CBFA2T2: variants seen among roughly 807,000 people sequenced by gnomAD.
CBFA2T2 encodes the protein protein CBFA2T2.
Under a neutral mutation model 62.2 loss-of-function variants are expected in CBFA2T2, and 11 were observed. The observed-to-expected ratio is 0.18, with a 90% confidence interval of 0.11 to 0.29. The LOEUF (loss-of-function observed/expected upper bound fraction) is 0.29. Among genes scored for constraint, CBFA2T2 ranks in the 10% least tolerant of loss-of-function variants. The probability of loss-of-function intolerance (pLI) is 1.00; values close to 1 mark genes in which losing one functional copy is unlikely to be tolerated. For missense variants in CBFA2T2, 592 were observed against 774.1 expected (o/e 0.76, Z 2.79); for synonymous variants, 295 against 287.5 (o/e 1.03, Z -0.27).
chr20:33,586,786 C>G (rs2014389117), intron 1 of CBFA2T2, among the ~76,000 whole-genome samples: 1 of 152,086 alleles, frequency 6.6e-6, no homozygotes, highest in Admixed American at 6.5e-5. Context: ...CTTAATTTCT[C>G]TTTTCCTTGA....
At chr20:33,573,436 G>T (rs2013661410) in intron 1 of CBFA2T2, among the ~76,000 whole-genome samples, 1 of 151,986 alleles carries the variant, frequency 6.6e-6, no homozygotes, top group Non-Finnish European at 1.5e-5. Context: ...AGTACTGTAT[G>T]TGACACATTG....
At chr20:33,580,686 A>G (rs541599410) in intron 1 of CBFA2T2, among the ~76,000 whole-genome samples, 50 of 152,190 alleles carry the variant, frequency 3.3e-4, no homozygotes, top group Middle Eastern at 3.4e-3. Flanking sequence ...CCCTGTCTCT[A>G]CAAAATACAC....
At chr20:33,551,596 T>C (rs575498408) in intron 1 of CBFA2T2, among the ~76,000 whole-genome samples, 1 of 152,136 alleles carries the variant, frequency 6.6e-6, no homozygotes, top group African/African-American at 2.4e-5. Context: ...AGTGGTGTGA[T>C]CTCAGCTCAT....
At chr20:33,591,119 C>T (rs1008323267) in intron 1 of CBFA2T2, among the ~76,000 whole-genome samples, 7 of 140,010 alleles carry the variant, frequency 5.0e-5, no homozygotes, top group African/African-American at 1.1e-4. Flanking sequence ...GCAGAAGTTG[C>T]AGTGAGCCGA....
At chr20:33,627,285 T>C (rs1304578753) in intron 6 of CBFA2T2, among the ~76,000 whole-genome samples, 2 of 151,988 alleles carry the variant, frequency 1.3e-5, no homozygotes, top group African/African-American at 2.4e-5. Flanking sequence ...TAGTCCCAGC[T>C]ACTTGGGAGG....
At position 33,636,713 on chromosome 20, in the gene CBFA2T2, G is replaced by A; in HGVS notation, c.1297+5G>A. 1.2e-6 allele frequency: 2 copies of A among 1,607,170 alleles called. No individual in the cohort carries two copies. The highest frequency in any genetic ancestry group is 8.5e-7 in the Non-Finnish European group (1 of 1,173,938). Reference sequence around the variant, plus strand: ...TGGAGTTTTGGAAAAAAACAGGTATGTGTCTGACTGCTTGTAGGTCATACA... The same window carrying A: ...TGGAGTTTTGGAAAAAAACAGGTATATGTCTGACTGCTTGTAGGTCATACA... On this transcript the variant is annotated splice_donor_5th_base_variant and intron_variant, in intron 9 of 10. Transcript: ENST00000342704.
intron 1 of CBFA2T2, among the ~76,000 whole-genome samples, chr20:33,563,186 A>G (rs2013153900): frequency 6.6e-6 from 1 of 152,194 alleles, no homozygotes; most frequent in Non-Finnish European, 1.5e-5. Flanking sequence ...TTTTTCATTT[A>G]CATTTTGCTC....
chr20:33,565,111 G>A (rs1304410023), intron 1 of CBFA2T2, among the ~76,000 whole-genome samples: 2 of 152,054 alleles, frequency 1.3e-5, no homozygotes, highest in South Asian at 2.1e-4. Flanking sequence ...AGTAGAGACG[G>A]TGTTTCACCG....
chr20:33,623,173 C>A lies in CBFA2T2; in HGVS notation c.569C>A (p.Thr190Asn), dbSNP rs772429963. 6.2e-7 allele frequency: 1 copy of A among 1,614,282 alleles called. No individual in the cohort carries two copies. The highest frequency in any genetic ancestry group is 8.5e-7 in the Non-Finnish European group (1 of 1,180,048). Residue 190 changes from threonine to asparagine, a missense_variant, in exon 5 of 11, where the codon ACC becomes AAC. By Grantham distance (65) the Thr-to-Asn change is moderately conservative (BLOSUM62 0). Around this residue, in one of 3 missense-constraint regions of CBFA2T2, gnomAD observed 449 missense variants for 551.2 expected, o/e 0.81. Coordinates refer to ENST00000342704, the MANE Select transcript of CBFA2T2 (RefSeq NM_001032999.3). ...CACTGCGCTCGGGCGGCCAAGCAGA[C>A]CCCATCCCAGTACCTGGCTCAGCAC... The part of the protein sequence containing the change: ...LLHCARAAKQ[T>N]PSQYLAQHEH...
At chr20:33,633,377 A>AAAAT (rs66921034) in intron 8 of CBFA2T2, among the ~76,000 whole-genome samples, 39 of 147,508 alleles carry the variant, frequency 2.6e-4, no homozygotes, top group East Asian at 2.1e-3. Context: ...TCGCAAAAAA[A>AAAAT]AAATAAATAA....
chr20:33,584,840 A>G (rs1467012651), intron 1 of CBFA2T2, among the ~76,000 whole-genome samples: 1 of 152,200 alleles, frequency 6.6e-6, no homozygotes, highest in Non-Finnish European at 1.5e-5. Context: ...TTAAGCATTT[A>G]CTATATACCA....
intron 1 of CBFA2T2, among the ~76,000 whole-genome samples, chr20:33,570,343 C>T (rs770165712): frequency 4.8e-4 from 73 of 152,138 alleles, no homozygotes; most frequent in Non-Finnish European, 1.0e-3. Context: ...CAACATTTTA[C>T]GTGACAGCTC....
At chr20:33,493,164 C>G (rs1439747391) in intron 1 of CBFA2T2, among the ~76,000 whole-genome samples, 1 of 151,186 alleles carries the variant, frequency 6.6e-6, no homozygotes, top group Non-Finnish European at 1.5e-5. Flanking sequence ...CAACCTCCGC[C>G]TCCTGGGTTC....
chr20:33,594,153 A>C (rs2014786437), intron 1 of CBFA2T2, among the ~76,000 whole-genome samples: 1 of 152,248 alleles, frequency 6.6e-6, no homozygotes, highest in Admixed American at 6.5e-5. Context: ...TTCTAGCAAT[A>C]GAGATGGGAG....
rs750305478 is a variant in CBFA2T2, at chr20:33,537,268, C to T, written c.34+46967C>T. ...GCGAGGCCGAGGCTGGCGGATCACT[C>T]GCGGTTAGGAGCTGGAGACCAGCCC... On this transcript the variant is annotated intron_variant, in intron 1 of 10. Coordinates refer to ENST00000342704, the MANE Select transcript of CBFA2T2 (RefSeq NM_001032999.3). Among the ~76,000 whole-genome samples the T allele has an allele frequency of 5.6e-4, 86 of 152,386 alleles. 1 individual carries two copies. The highest frequency in any genetic ancestry group is 1.4e-3 in the Admixed American group (21 of 15,314).
chr20:33,542,662 C>T (rs952354441), intron 1 of CBFA2T2, among the ~76,000 whole-genome samples: 11 of 152,096 alleles, frequency 7.2e-5, no homozygotes, highest in African/African-American at 2.7e-4. Context: ...AGAAGTCTTT[C>T]TTACTAAGTC....
At chr20:33,631,041 G>C (rs928021835) in intron 8 of CBFA2T2, among the ~76,000 whole-genome samples, 2 of 152,214 alleles carry the variant, frequency 1.3e-5, no homozygotes, top group Non-Finnish European at 2.9e-5. Context: ...CAGGCCGGGC[G>C]TGGTGGCTCA....
chr20:33,637,710 C>G (rs2016679049), intron 9 of CBFA2T2, among the ~76,000 whole-genome samples: 1 of 151,628 alleles, frequency 6.6e-6, no homozygotes, highest in African/African-American at 2.4e-5. Flanking sequence ...GCTTGTTGCC[C>G]AGGCTGGAGT....
rs368396948 is a variant in CBFA2T2, at chr20:33,607,069, C to T, written c.148C>T (p.Pro50Ser). The T allele has an allele frequency of 1.7e-5, 28 of 1,613,932 alleles. No individual in the cohort carries two copies. Among genetic ancestry groups the T allele is most frequent in the Non-Finnish European group, 2.2e-5 (26 of 1,179,974 alleles). ...CCTCCCACCAATAAATCCTGGAGGA[C>T]CGAGGCCAGTGTCCTTCACTCCTAC... ...PPLPPINPGGPRPVSFTPTAL... is the reference protein window; with the variant it reads ...PPLPPINPGGSRPVSFTPTAL... Residue 50 changes from proline (P) to serine (S), a missense_variant, in exon 2 of 11, where the codon CCG becomes TCG. Physicochemically the swap from Pro to Ser is moderately conservative, Grantham distance 74. Around this residue, in one of 3 missense-constraint regions of CBFA2T2, gnomAD observed 449 missense variants for 551.2 expected, o/e 0.81. Transcript: ENST00000342704.
Sources: allele counts gnomAD v4.1 joint callset (sites outside exome capture counted in the v4.1 genomes callset), GRCh38; gene constraint gnomAD v4.1.1; regional missense constraint gnomAD v4.1.1; transcripts MANE v1.5; gene names NCBI Gene and HGNC (gene_info 2026-07-23, HGNC 2026-07-21).